NTRK3: variants seen among roughly 807,000 people sequenced by gnomAD.
NTRK3 encodes the protein NT-3 growth factor receptor.
In NTRK3, 24 loss-of-function variants were observed where a neutral mutation model predicts 91.7. That is an observed-to-expected ratio of 0.26 (90% CI 0.19 to 0.37). The LOEUF (loss-of-function observed/expected upper bound fraction) is 0.37. Ranked by LOEUF, NTRK3 falls within the 10% of genes least tolerant of loss-of-function variation. NTRK3 has a pLI of 1.00. For missense variants in NTRK3, 880 were observed against 1,068.9 expected, an observed-to-expected ratio of 0.82 and a Z score of 2.46; for synonymous variants, 483 against 404.0, an observed-to-expected ratio of 1.20 and a Z score of -2.34.
chr15:88,137,179 T>C (rs1042065255), intron 7 of NTRK3, among the ~76,000 whole-genome samples: 1 of 152,196 alleles, frequency 6.6e-6, no homozygotes, highest in African/African-American at 2.4e-5. Context: ...TTAACTCCTG[T>C]GTGAATTCCT....
exon 19 of NTRK3, chr15:87,862,884 G>A (rs1386117071): frequency 4.3e-6 from 1 of 230,862 alleles, no homozygotes; most frequent in East Asian, 6.1e-5. Context: ...GCATCACTGG[G>A]ACCTTTTCTG....
chr15:88,121,680 C>G (rs753121389), intron 13 of NTRK3, among the ~76,000 whole-genome samples: 1 of 152,206 alleles, frequency 6.6e-6, no homozygotes, highest in Non-Finnish European at 1.5e-5. Context: ...CTGGCCACCC[C>G]ATGATCTGAC....
intron 5 of NTRK3, among the ~76,000 whole-genome samples, chr15:88,156,610 C>G (rs1006303565): frequency 2.0e-5 from 3 of 152,112 alleles, no homozygotes; most frequent in African/African-American, 4.8e-5. Context: ...CCCCACCCTG[C>G]AAGCACAGTG....
intron 13 of NTRK3, among the ~76,000 whole-genome samples, chr15:88,061,456 C>G (rs989065063): frequency 1.3e-5 from 2 of 152,228 alleles, no homozygotes; most frequent in Non-Finnish European, 2.9e-5. Flanking sequence ...CAGCCCGTGG[C>G]TGCTAAGAGC....
chr15:88,213,311 G>A (rs1284822816), intron 3 of NTRK3, among the ~76,000 whole-genome samples: 1 of 152,184 alleles, frequency 6.6e-6, no homozygotes. Flanking sequence ...TTCTCCACTG[G>A]AGGAAACTCT....
chr15:88,256,682 G>C (rs1346693982), exon 1 of NTRK3: 5 of 395,190 alleles, frequency 1.3e-5, no homozygotes, highest in East Asian at 1.1e-4. Flanking sequence ...AGATGCAGTA[G>C]GAGCTGCAGC....
intron 5 of NTRK3, among the ~76,000 whole-genome samples, chr15:88,149,066 C>G (rs1197443429): frequency 2.0e-5 from 3 of 152,186 alleles, no homozygotes; most frequent in Non-Finnish European, 4.4e-5. Flanking sequence ...GTCAAATTGC[C>G]TGCTGGATTC....
chr15:88,204,869 C>A (rs144869136), intron 3 of NTRK3, among the ~76,000 whole-genome samples: 4 of 152,296 alleles, frequency 2.6e-5, no homozygotes, highest in African/African-American at 9.6e-5. Flanking sequence ...GCAGGGCTAC[C>A]TGAGTGGTGA....
intron 3 of NTRK3, among the ~76,000 whole-genome samples, chr15:88,198,096 T>A (rs886693971): frequency 1.3e-5 from 2 of 152,182 alleles, no homozygotes; most frequent in African/African-American, 4.8e-5. Context: ...AGAATGTTTA[T>A]TTTCCTCTTC....
intron 13 of NTRK3, among the ~76,000 whole-genome samples, chr15:88,114,702 A>G (rs1352405484): frequency 6.6e-6 from 1 of 152,238 alleles, no homozygotes; most frequent in Admixed American, 6.5e-5. Context: ...ACTATCTCTG[A>G]AAGGATATGC....
At chr15:87,863,076 T>C (rs1457400507) in exon 19 of NTRK3, 2 of 230,934 alleles carry the variant, frequency 8.7e-6, no homozygotes, top group East Asian at 6.1e-5. Flanking sequence ...AAGACTTGTG[T>C]AGGGGGAGCC....
chr15:87,871,501 T>C (rs1383933409), exon 19 of NTRK3: 3 of 230,488 alleles, frequency 1.3e-5, no homozygotes, highest in African/African-American at 6.6e-5. Context: ...GTGGCGTCTA[T>C]ACCAACCCCC....
chr15:88,110,727 G>C (rs1490321024), intron 13 of NTRK3, among the ~76,000 whole-genome samples: 1 of 152,184 alleles, frequency 6.6e-6, no homozygotes, highest in Non-Finnish European at 1.5e-5. Flanking sequence ...AACAAGGCTG[G>C]CAAGAGTGGA....
At chr15:88,038,118 G>A (rs1330916680) in intron 13 of NTRK3, among the ~76,000 whole-genome samples, 4 of 152,180 alleles carry the variant, frequency 2.6e-5, no homozygotes, top group African/African-American at 7.2e-5. Flanking sequence ...AGCTCCCCAA[G>A]ACCCTTTTTA....
intron 3 of NTRK3, among the ~76,000 whole-genome samples, chr15:88,239,913 C>T (rs1003934320): frequency 6.6e-6 from 1 of 152,214 alleles, no homozygotes; most frequent in African/African-American, 2.4e-5. Context: ...GACAGCCAAA[C>T]TTCGGAATCA....
intron 6 of NTRK3, among the ~76,000 whole-genome samples, chr15:88,146,929 A>C (rs887812102): frequency 1.3e-5 from 2 of 152,164 alleles, no homozygotes; most frequent in Non-Finnish European, 2.9e-5. Context: ...GAGAATAATA[A>C]TATCTACCTC....
intron 17 of NTRK3, among the ~76,000 whole-genome samples, chr15:87,908,833 A>G (rs1400401927): frequency 2.0e-5 from 3 of 152,024 alleles, no homozygotes; most frequent in Non-Finnish European, 4.4e-5. Context: ...CCAGCACATC[A>G]TGACACCACT....
intron 17 of NTRK3, among the ~76,000 whole-genome samples, chr15:87,886,707 T>TATAC: frequency 7.1e-6 from 1 of 140,228 alleles, no homozygotes; most frequent in Non-Finnish European, 1.5e-5. Flanking sequence ...TATACATATA[T>TATAC]ACACACACAC....
rs376443053 is a variant in NTRK3, at chr15:87,902,578, CA to C, written c.2134-22151del. On this transcript the variant is annotated intron_variant, in intron 17 of 18. Transcript: ENST00000394480. ...GAGAAGGAAGAAGGGAGAGAGGAAG[CA>C]ACAGGCTCTACATGGTGACATTATT... 3.3e-5 allele frequency among the ~76,000 whole-genome samples: 5 copies of C among 152,252 alleles called. No homozygotes were observed. In the East Asian group the frequency reaches 9.7e-4, roughly 29 times the overall value.
Sources: allele counts gnomAD v4.1 joint callset (sites outside exome capture counted in the v4.1 genomes callset), GRCh38; gene constraint gnomAD v4.1.1; transcripts MANE v1.5; gene names NCBI Gene and HGNC (gene_info 2026-07-23, HGNC 2026-07-21).